Variants in CNTN5 observed in about 807,000 individuals in gnomAD.
The protein encoded by CNTN5 is contactin 5.
CNTN5 carries 77 observed loss-of-function variants against 129.1 expected under a neutral mutation model. The observed-to-expected ratio is 0.60, with a 90% CI of 0.50 to 0.72. The LOEUF is 0.72. Among genes scored for constraint, CNTN5 ranks in the 30% least tolerant of loss-of-function variants. The pLI is 0.00. For missense variants in CNTN5, 1,478 were observed against 1,328.8 expected (o/e 1.11, Z -1.75); for synonymous variants, 509 against 465.6 (o/e 1.09, Z -1.20).
chr11:99,077,437 A>G (rs1338072063), intron 1 of CNTN5, among the ~76,000 whole-genome samples: 1 of 152,198 alleles, frequency 6.6e-6, no homozygotes, highest in African/African-American at 2.4e-5. Context: ...TACTCCATAG[A>G]TTCTGGATAC....
chr11:99,165,029 T>C (rs897125726), intron 1 of CNTN5, among the ~76,000 whole-genome samples: 28 of 152,338 alleles, frequency 1.8e-4, no homozygotes, highest in Non-Finnish European at 4.0e-4. Context: ...AATTTTTTTT[T>C]AGTTGTTGGG....
intron 3 of CNTN5, among the ~76,000 whole-genome samples, chr11:99,580,302 G>C (rs1181575532): frequency 6.6e-6 from 1 of 151,920 alleles, no homozygotes; most frequent in African/African-American, 2.4e-5. Flanking sequence ...TTTTTTTGTT[G>C]TGTCTCTGCT....
rs113912982 is a variant in CNTN5, at chr11:99,235,092, T to C, written c.-209-90254T>C. Among the ~76,000 whole-genome samples the C allele has an allele frequency of 2.9e-4, 44 of 152,032 alleles. 2 individuals are homozygous for C. The highest frequency in any genetic ancestry group is 9.2e-4 in the African/African-American group (38 of 41,506). On this transcript the variant is annotated intron_variant, in intron 1 of 24. Transcript: ENST00000524871. ...AAGTGGCTTAAAATTATATTGGTAATTACACTTAATTTGTACTCATAAGCA... is the reference window on the plus strand; with the variant it reads ...AAGTGGCTTAAAATTATATTGGTAACTACACTTAATTTGTACTCATAAGCA...
intron 6 of CNTN5, among the ~76,000 whole-genome samples, chr11:99,904,923 G>A (rs574843045): frequency 8.5e-5 from 13 of 152,260 alleles, no homozygotes; most frequent in East Asian, 5.8e-4. Flanking sequence ...TATGTTTGTC[G>A]GCTGCATAAA....
chr11:100,335,660 T>A (rs1952021764), intron 21 of CNTN5, among the ~76,000 whole-genome samples: 1 of 151,670 alleles, frequency 6.6e-6, no homozygotes, highest in Non-Finnish European at 1.5e-5. Flanking sequence ...CCCAGCTACT[T>A]GGGAGGCTGA....
chr11:100,302,727 C>T (rs748882498), intron 20 of CNTN5, among the ~76,000 whole-genome samples: 3 of 151,570 alleles, frequency 2.0e-5, no homozygotes, highest in Non-Finnish European at 4.4e-5. Context: ...CAACCTATTT[C>T]CCAATGGAAC....
At chr11:100,263,364 G>A (rs1950242809) in intron 17 of CNTN5, among the ~76,000 whole-genome samples, 1 of 152,082 alleles carries the variant, frequency 6.6e-6, no homozygotes, top group African/African-American at 2.4e-5. Context: ...TTATTGTGTA[G>A]GTAAATGAAA....
intron 1 of CNTN5, among the ~76,000 whole-genome samples, chr11:99,256,546 A>G (rs1028749027): frequency 6.6e-6 from 1 of 152,010 alleles, no homozygotes; most frequent in Non-Finnish European, 1.5e-5. Flanking sequence ...GGTGATATTA[A>G]TAAAGGATAT....
intron 1 of CNTN5, among the ~76,000 whole-genome samples, chr11:99,154,124 G>C (rs149015613): frequency 7.7e-4 from 118 of 152,264 alleles, no homozygotes; most frequent in African/African-American, 2.7e-3. Context: ...GTGCTTGCTT[G>C]CATGTGCCAG....
chr11:99,206,123 G>A (rs1859466881), intron 1 of CNTN5, among the ~76,000 whole-genome samples: 1 of 152,128 alleles, frequency 6.6e-6, no homozygotes, highest in South Asian at 2.1e-4. Context: ...TCCTAGAAAT[G>A]TCCTGTGTTC....
At chr11:99,573,582 ATAAAAAT>A (rs1250395598) in intron 3 of CNTN5, among the ~76,000 whole-genome samples, 1 of 26,974 alleles carries the variant, frequency 3.7e-5, no homozygotes, top group Non-Finnish European at 2.5e-4. Context: ...TCAAAAAAAA[ATAAAAAT>A]AAAAAATAAA....
At chr11:99,288,679 GTC>G (rs1437910487) in intron 1 of CNTN5, among the ~76,000 whole-genome samples, 2 of 151,856 alleles carry the variant, frequency 1.3e-5, no homozygotes, top group Non-Finnish European at 2.9e-5. Flanking sequence ...GAAGAATTGT[GTC>G]TCTATGCCTG....
In CNTN5 at chr11:99,716,434, G is replaced by C. The variant is rs187330533; in HGVS notation, c.56-103110G>C. Among the ~76,000 whole-genome samples the C allele has an allele frequency of 3.9e-5, 6 of 152,046 alleles. No homozygotes were observed. The East Asian group carries it at 1.2e-3, about 30-fold the overall frequency. On this transcript the variant is annotated intron_variant, in intron 3 of 24. Coordinates refer to ENST00000524871, the MANE Select transcript of CNTN5 (RefSeq NM_014361.4). Reference sequence around the variant, plus strand: ...CTCCTCTGCTACTCCTCAGTATCCTGAATGAGCTCGTCTTCCTCTCTCCAC... The same window carrying C: ...CTCCTCTGCTACTCCTCAGTATCCTCAATGAGCTCGTCTTCCTCTCTCCAC...
At chr11:99,757,279 G>A (rs917916754) in intron 3 of CNTN5, among the ~76,000 whole-genome samples, 1 of 151,692 alleles carries the variant, frequency 6.6e-6, no homozygotes, top group Admixed American at 6.6e-5. Context: ...CTCCTTATAA[G>A]GACCTATACT....
At chr11:99,574,821 C>A (rs1949292319) in intron 3 of CNTN5, among the ~76,000 whole-genome samples, 1 of 151,822 alleles carries the variant, frequency 6.6e-6, no homozygotes, top group East Asian at 1.9e-4. Context: ...TAGAACTTTG[C>A]CAGATGGATA....
chr11:99,096,146 G>A (rs1198231526), intron 1 of CNTN5, among the ~76,000 whole-genome samples: 2 of 151,780 alleles, frequency 1.3e-5, no homozygotes, highest in Non-Finnish European at 3.0e-5. Context: ...GTATCCAACT[G>A]TGAAAATAAT....
At chr11:99,823,415 T>A (rs762984936) in intron 4 of CNTN5, among the ~76,000 whole-genome samples, 8 of 152,104 alleles carry the variant, frequency 5.3e-5, no homozygotes, top group Non-Finnish European at 1.2e-4. Context: ...TTTATTCAGG[T>A]CTTGATTATG....
intron 3 of CNTN5, among the ~76,000 whole-genome samples, chr11:99,567,366 ATT>A (rs5793996): frequency 7.3e-5 from 11 of 149,998 alleles, no homozygotes; most frequent in South Asian, 2.1e-4. Flanking sequence ...AACAAAAGGC[ATT>A]TTTTTTTTCT....
chr11:99,972,124 G>C (rs1009424295), intron 8 of CNTN5, among the ~76,000 whole-genome samples: 4 of 150,566 alleles, frequency 2.7e-5, no homozygotes, highest in Non-Finnish European at 5.9e-5. Flanking sequence ...AGCCGGGCGT[G>C]GTGGCGGGTG....
Sources: allele counts gnomAD v4.1 joint callset (sites outside exome capture counted in the v4.1 genomes callset), GRCh38; gene constraint gnomAD v4.1.1; transcripts MANE v1.5; gene names NCBI Gene and HGNC (gene_info 2026-07-23, HGNC 2026-07-21).